DOP1A: variants seen among roughly 807,000 people sequenced by gnomAD.
DOP1A encodes the protein protein DOP1A.
Under a neutral mutation model 267.6 loss-of-function variants are expected in DOP1A, and 90 were observed. That is an observed-to-expected ratio of 0.34 (90% confidence interval 0.28 to 0.40). DOP1A has a LOEUF of 0.40. DOP1A is among the 10% of genes least tolerant of loss of function. The pLI is 1.00. For missense variants in DOP1A, 2,437 were observed against 2,900.4 expected (o/e 0.84, Z 3.67); for synonymous variants, 932 against 999.1 (o/e 0.93, Z 1.27).
Position 83,122,008 on chromosome 6 carries a change from A to C in DOP1A, c.1178A>C (p.Gln393Pro). Residue 393 changes from glutamine (Q) to proline (P), a missense_variant, in exon 11 of 39, where the codon CAA becomes CCA. Transcript: ENST00000349129. ...CAATGCAAAGCAGAGTTGGATCTTC[A>C]AACTGAACCACCCTTCAGCAAGGAT... ...YSQCKAELDL[Q>P]TEPPFSKDHA... 2 of 1,611,626 alleles carry C rather than the reference A, an allele frequency of 1.2e-6. No individual in the cohort carries two copies. The highest frequency in any genetic ancestry group is 1.7e-6 in the Non-Finnish European group (2 of 1,178,196).
At chr6:83,137,059 T>C in intron 20 of DOP1A, 114 bp from the exon 21 acceptor site, 3 of 1,014,100 alleles carry the variant, frequency 3.0e-6, no homozygotes, top group Non-Finnish European at 4.0e-6. Flanking sequence ...TAGGAAAATA[T>C]AAGTAGATGA....
At position 83,125,161 on chromosome 6, in the gene DOP1A, T is replaced by G; in HGVS notation, c.1456-5T>G. 1 of 1,581,776 alleles carries G rather than the reference T, an allele frequency of 6.3e-7. No homozygotes were observed. On this transcript the variant is annotated splice_polypyrimidine_tract_variant and splice_region_variant and intron_variant, in intron 13 of 38. Transcript: ENST00000349129. ...TCCTCACTTCTTTGCTTTCTCATTT[T>G]GAAGCCTACTAGAAGTATGAGGGTG...
At chr6:83,152,098 A>G in intron 29 of DOP1A, 71 bp downstream of exon 29, 1 of 1,566,396 alleles carries the variant, frequency 6.4e-7, no homozygotes, top group African/African-American at 1.4e-5. Context: ...CATTTTGCCT[A>G]GCACTATAAG....
At chr6:83,102,903 G>A (rs147464235) in intron 4 of DOP1A, among the ~76,000 whole-genome samples, 2,775 of 152,108 alleles carry the variant, frequency 0.018, 51 homozygotes, top group Admixed American at 0.061. Context: ...ATTCCACTCA[G>A]GTCCACAGGT....
intron 1 of DOP1A, among the ~76,000 whole-genome samples, chr6:83,093,608 T>C (rs1039608505): frequency 5.3e-5 from 8 of 152,204 alleles, no homozygotes; most frequent in Admixed American, 5.2e-4. Flanking sequence ...AGTTCACCTA[T>C]TTAAAGTATG....
chr6:83,129,742 G>A (rs753374746), intron 16 of DOP1A, among the ~76,000 whole-genome samples: 1 of 152,088 alleles, frequency 6.6e-6, no homozygotes, highest in Non-Finnish European at 1.5e-5. Flanking sequence ...AGCTGAAAAG[G>A]AAATCTCTGG....
At chr6:83,117,764 C>T (rs913352173) in intron 7 of DOP1A, among the ~76,000 whole-genome samples, 13 of 152,180 alleles carry the variant, frequency 8.5e-5, no homozygotes, top group African/African-American at 3.1e-4. Flanking sequence ...TTGTGCACCC[C>T]CTGAAAAAGT....
chr6:83,156,675 C>A (rs1163291922), intron 34 of DOP1A, among the ~76,000 whole-genome samples: 2 of 152,214 alleles, frequency 1.3e-5, no homozygotes, highest in East Asian at 3.8e-4. Context: ...TCAGCATACT[C>A]TAAAGCCTCC....
At position 83,162,771 on chromosome 6, in the gene DOP1A, G is replaced by A; in HGVS notation, c.6963-19G>A. The A allele has an allele frequency of 1.3e-6, 2 of 1,594,848 alleles. No individual in the cohort carries two copies. The highest frequency in any genetic ancestry group is 1.7e-4 in the Middle Eastern group (1 of 5,948). Reference sequence around the variant, plus strand: ...CAAAGTCTGTCTTACTGATGCTGATGTCATTATTCTATACATAGGTACCGA... The same window carrying A: ...CAAAGTCTGTCTTACTGATGCTGATATCATTATTCTATACATAGGTACCGA... On this transcript the variant is annotated intron_variant, in intron 37 of 38. Transcript: ENST00000349129.
At chr6:83,151,521 T>G in intron 27 of DOP1A, 72 bp from the exon 28 acceptor site, 102 of 1,237,274 alleles carry the variant, frequency 8.2e-5, no homozygotes, top group Non-Finnish European at 1.1e-4. Flanking sequence ...TAACTCATCG[T>G]GAGAAATTAG....
In DOP1A at chr6:83,122,894, C is replaced by A; in HGVS notation, c.1252C>A (p.Leu418Met). 1 of 1,538,414 alleles carries A rather than the reference C, an allele frequency of 6.5e-7. No homozygotes were observed. Among genetic ancestry groups the A allele is most frequent in the South Asian group, 1.3e-5 (1 of 79,266 alleles). The change falls in exon 12 of 39, where the codon CTG (leucine) becomes ATG (methionine). Residue 418 changes from leucine (L) to methionine (M), a missense_variant. By Grantham distance (15) the Leu-to-Met change is conservative. Around this residue, in one of 9 missense-constraint regions of DOP1A, gnomAD observed 498 missense variants for 513.5 expected, o/e 0.97. Transcript: ENST00000349129. ...AAGAGAAAATAAGAAAACAGCAGAGCTGATTAAAACTGCTAACCTTCTCTT... is the reference window on the plus strand; with the variant it reads ...AAGAGAAAATAAGAAAACAGCAGAGATGATTAAAACTGCTAACCTTCTCTT... ...KLRENKKTAE[L>M]IKTANLLFNS...
At chr6:83,091,696 A>G (rs962648094) in intron 1 of DOP1A, among the ~76,000 whole-genome samples, 5 of 152,226 alleles carry the variant, frequency 3.3e-5, no homozygotes, top group Non-Finnish European at 7.3e-5. Context: ...ATTAATAGAA[A>G]TTACTACTAA....
intron 1 of DOP1A, among the ~76,000 whole-genome samples, chr6:83,094,061 A>C (rs1005134850): frequency 6.6e-6 from 1 of 152,236 alleles, no homozygotes; most frequent in East Asian, 1.9e-4. Context: ...TCCATTTCCC[A>C]CCAATTCCTC....
chr6:83,137,563 A>G lies in DOP1A; in HGVS notation c.3521A>G (p.Gln1174Arg), dbSNP rs1779042969. ...GTGGAATCTGCATCAGTTACATCTCAATTAGAAATTGAAGCTATGCCCCCA... is the reference window on the plus strand; with the variant it reads ...GTGGAATCTGCATCAGTTACATCTCGATTAGAAATTGAAGCTATGCCCCCA... ...LEVESASVTS[Q>R]LEIEAMPPKC... is the part of the protein sequence containing the mutation. Residue 1174 changes from glutamine (Q) to arginine (R), a missense_variant, in exon 21 of 39, where the codon CAA becomes CGA. Physicochemically the swap from Gln to Arg is conservative, Grantham distance 43 (BLOSUM62 1). This residue lies in a region of DOP1A where 878 missense variants were observed against 992.9 expected (regional missense o/e 0.88). Coordinates refer to ENST00000349129, the MANE Select transcript of DOP1A (RefSeq NM_015018.4). 1 of 1,613,864 alleles carries G rather than the reference A, an allele frequency of 6.2e-7. No homozygotes were observed. The highest frequency in any genetic ancestry group is 2.2e-5 in the East Asian group (1 of 44,872).
At chr6:83,078,478 C>T (rs1457724926) in intron 1 of DOP1A, among the ~76,000 whole-genome samples, 1 of 152,146 alleles carries the variant, frequency 6.6e-6, no homozygotes, top group Admixed American at 6.5e-5. Flanking sequence ...ATAAAATAGG[C>T]ATGAATTAAA....
downstream of DOP1A, chr6:83,169,309 G>A (rs375523747): frequency 1.2e-6 from 2 of 1,612,990 alleles, no homozygotes; most frequent in African/African-American, 1.3e-5. Context: ...CATGTGCAAG[G>A]TGATCTGCAC....
At chr6:83,097,261 A>G (rs754686618) in intron 3 of DOP1A, 146 bp downstream of exon 3, 27 of 856,106 alleles carry the variant, frequency 3.2e-5, no homozygotes, top group Non-Finnish European at 4.8e-5. Flanking sequence ...TTTCTTCATG[A>G]GTTGCATGCC....
chr6:83,151,144 G>C (rs1781590348), intron 27 of DOP1A, among the ~76,000 whole-genome samples: 2 of 152,026 alleles, frequency 1.3e-5, no homozygotes, highest in African/African-American at 4.8e-5. Flanking sequence ...TTTAGTATTT[G>C]AACATTCTGC....
At chr6:83,104,107 T>A (rs139891597) in intron 4 of DOP1A, among the ~76,000 whole-genome samples, 124 of 152,322 alleles carry the variant, frequency 8.1e-4, no homozygotes, top group African/African-American at 2.5e-3. Flanking sequence ...GCTTGGTATA[T>A]TGCTGCTAGA....
Sources: gnomAD v4.1 joint callset for allele counts (sites outside exome capture counted in the v4.1 genomes callset) on GRCh38, gnomAD v4.1.1 for gene constraint, gnomAD v4.1.1 regional missense constraint, MANE v1.5 for transcripts, NCBI Gene and HGNC (gene_info 2026-07-23, HGNC 2026-07-21) for gene names.